The following LMNB1 variants were observed in gnomAD, a reference collection of about 807,000 sequenced individuals.
The protein encoded by LMNB1 is lamin-B1.
A neutral mutation model predicts 67.1 loss-of-function variants in LMNB1; 23 were observed. The observed-to-expected ratio is 0.34, with a 90% confidence interval of 0.25 to 0.49. LMNB1 has a LOEUF of 0.49. Among genes scored for constraint, LMNB1 ranks in the 20% least tolerant of loss-of-function variants. LMNB1 has a pLI of 0.99. For synonymous variants in LMNB1, 281 were observed against 282.9 expected, an observed-to-expected ratio of 0.99 and a Z score of 0.07; for missense variants, 634 against 746.5, an observed-to-expected ratio of 0.85 and a Z score of 1.76.
chr5:126,829,811 A>G (rs547902369), intron 9 of LMNB1, among the ~76,000 whole-genome samples: 1 of 152,096 alleles, frequency 6.6e-6, no homozygotes, highest in Non-Finnish European at 1.5e-5. Flanking sequence ...CTCTACAGCC[A>G]CATTGCACTG....
chr5:126,791,971 C>A lies in LMNB1; in HGVS notation c.360-12805C>A, dbSNP rs961755077. ...CTGATTTTCGTATTTTTAGTAGAGA[C>A]GGGGTTTCACCATGTTGGTCAGGCT... On this transcript the variant is annotated intron_variant, in intron 1 of 10. Transcript: ENST00000261366. Among the ~76,000 whole-genome samples, 251 of 151,178 alleles carry A rather than the reference C, an allele frequency of 1.7e-3. 2 individuals carry two copies. Among genetic ancestry groups the A allele is most frequent in the African/African-American group, 5.7e-3 (234 of 40,946 alleles).
intron 1 of LMNB1, among the ~76,000 whole-genome samples, chr5:126,783,205 C>G (rs748401993): frequency 1.3e-5 from 2 of 151,730 alleles, no homozygotes; most frequent in Admixed American, 6.6e-5. Context: ...GTCTCAAAAA[C>G]AAAAACAAAC....
chr5:126,817,888 G>A (rs760362862), intron 5 of LMNB1, among the ~76,000 whole-genome samples: 1 of 152,150 alleles, frequency 6.6e-6, no homozygotes, highest in Non-Finnish European at 1.5e-5. Context: ...GTCACTTTCT[G>A]AGGCTACTGA....
chr5:126,806,017 C>T (rs551260717), intron 3 of LMNB1, among the ~76,000 whole-genome samples: 6 of 152,156 alleles, frequency 3.9e-5, no homozygotes, highest in Non-Finnish European at 7.3e-5. Context: ...TACAGTGGCA[C>T]GATCTCGGCT....
intron 1 of LMNB1, among the ~76,000 whole-genome samples, chr5:126,787,546 A>ATATTTTTTTTTTTTTTTTTTT: frequency 1.8e-4 from 12 of 65,580 alleles, no homozygotes; most frequent in Non-Finnish European, 2.5e-4. Context: ...ATATATATAT[A>ATATTTTTTTTTTTTTTTTTTT]TTTTTTTTTT....
intron 1 of LMNB1, among the ~76,000 whole-genome samples, chr5:126,785,987 C>T (rs1000643326): frequency 6.6e-6 from 1 of 151,496 alleles, no homozygotes; most frequent in Non-Finnish European, 1.5e-5. Context: ...GCACTCCAGC[C>T]TGAGTGACAA....
At chr5:126,809,303 G>A (rs557221568) in intron 3 of LMNB1, among the ~76,000 whole-genome samples, 12 of 152,300 alleles carry the variant, frequency 7.9e-5, no homozygotes, top group African/African-American at 2.9e-4. Context: ...TTGTTAATAA[G>A]ATCCTGTGTC....
Position 126,836,718 on chromosome 5 carries a change from T to C in LMNB1, c.*454T>C. 1 of 389,728 alleles carries C rather than the reference T, an allele frequency of 2.6e-6. No homozygotes were observed. Among genetic ancestry groups the C allele is most frequent in the Non-Finnish European group, 4.5e-6 (1 of 221,454 alleles). The allele number at this position is 389,728 out of a possible 1,614,324, so 24.1% of individuals were successfully genotyped here. ...AAAGCATTTTTCAATATATTGAACTTTTGTACTGAATTTTTTTGTAATAAG... is the reference window on the plus strand; with the variant it reads ...AAAGCATTTTTCAATATATTGAACTCTTGTACTGAATTTTTTTGTAATAAG... On this transcript the variant is annotated 3_prime_UTR_variant, in exon 11 of 11. Coordinates refer to ENST00000261366, the MANE Select transcript of LMNB1 (RefSeq NM_005573.4).
chr5:126,813,720 C>A (rs1751634870), intron 5 of LMNB1, among the ~76,000 whole-genome samples: 1 of 152,136 alleles, frequency 6.6e-6, no homozygotes, highest in Admixed American at 6.6e-5. Flanking sequence ...TGAATGAGCA[C>A]CCTTGGCCCT....
intron 5 of LMNB1, among the ~76,000 whole-genome samples, chr5:126,817,921 C>G (rs990073213): frequency 6.6e-6 from 1 of 152,122 alleles, no homozygotes; most frequent in Non-Finnish European, 1.5e-5. Context: ...CATGGAGAAA[C>G]ACAGAAGAAT....
rs191020197 is a variant in LMNB1, at chr5:126,819,920, G to A, written c.1160+778G>A. 3.6e-3 allele frequency among the ~76,000 whole-genome samples: 547 copies of A among 152,228 alleles called. 2 individuals carry two copies. Among genetic ancestry groups the A allele is most frequent in the African/African-American group, 0.012 (506 of 41,548 alleles). On this transcript the variant is annotated intron_variant, in intron 6 of 10. Transcript: ENST00000261366. ...GGCACTTTGGGAGGCCAAGGCAGGC[G>A]GATCACATGAGGTCAGGAGTTCAAG...
At chr5:126,823,183 G>A (rs541396612) in intron 8 of LMNB1, among the ~76,000 whole-genome samples, 71 of 152,328 alleles carry the variant, frequency 4.7e-4, no homozygotes, top group African/African-American at 1.5e-3. Context: ...ATAAAGAACT[G>A]TTAAGAATTT....
intron 9 of LMNB1, among the ~76,000 whole-genome samples, chr5:126,828,248 G>A (rs1404572143): frequency 6.6e-6 from 1 of 152,102 alleles, no homozygotes; most frequent in African/African-American, 2.4e-5. Flanking sequence ...CTGTTATAAG[G>A]GGTACAAGGC....
rs183859901 is a variant in LMNB1, at chr5:126,816,577, C to T, written c.940-2345C>T. On this transcript the variant is annotated intron_variant, in intron 5 of 10. Transcript: ENST00000261366. ...ACTGACATTGGTATATTACTGTGAACTCGTCTCCAGACTATTTGGATTTCA... is the reference window on the plus strand; with the variant it reads ...ACTGACATTGGTATATTACTGTGAATTCGTCTCCAGACTATTTGGATTTCA... Among the ~76,000 whole-genome samples, 232 of 152,286 alleles carry T rather than the reference C, an allele frequency of 1.5e-3. 2 individuals carry two copies. The highest frequency in any genetic ancestry group is 5.4e-3 in the African/African-American group (225 of 41,564).
intron 5 of LMNB1, chr5:126,815,199 C>T (rs1350294257): frequency 1.3e-5 from 2 of 152,180 alleles, no homozygotes; most frequent in Non-Finnish European, 2.9e-5. Context: ...TCAGTTTCAT[C>T]ATGCTGCCTA....
chr5:126,781,559 C>A (rs189347482), intron 1 of LMNB1, among the ~76,000 whole-genome samples: 1 of 152,012 alleles, frequency 6.6e-6, no homozygotes, highest in Non-Finnish European at 1.5e-5. Context: ...GACCCAGCCT[C>A]CCAAGTAGCT....
intron 1 of LMNB1, among the ~76,000 whole-genome samples, chr5:126,784,218 G>A (rs543830530): frequency 6.6e-6 from 1 of 151,112 alleles, no homozygotes; most frequent in African/African-American, 2.4e-5. Flanking sequence ...TAATAGACTT[G>A]GGGTTTTTCC....
intron 1 of LMNB1, among the ~76,000 whole-genome samples, chr5:126,778,629 A>G (rs150543237): frequency 6.6e-6 from 1 of 152,254 alleles, no homozygotes; most frequent in East Asian, 1.9e-4. Flanking sequence ...GGTTCTGCGC[A>G]GGGAAGGAAA....
intron 1 of LMNB1, among the ~76,000 whole-genome samples, chr5:126,798,277 G>A (rs927792298): frequency 6.6e-6 from 1 of 152,032 alleles, no homozygotes; most frequent in African/African-American, 2.4e-5. Flanking sequence ...GTGAAACCCC[G>A]TCTCTACTAA....
Sources: allele counts gnomAD v4.1 joint callset (sites outside exome capture counted in the v4.1 genomes callset), GRCh38; gene constraint gnomAD v4.1.1; transcripts MANE v1.5; gene names NCBI Gene and HGNC (gene_info 2026-07-23, HGNC 2026-07-21).